Variants in MAPRE1 observed in about 807,000 individuals in gnomAD.
MAPRE1 encodes the protein microtubule-associated protein RP/EB family member 1.
MAPRE1 carries 5 observed loss-of-function variants against 32.1 expected under a neutral mutation model. That is an observed-to-expected ratio of 0.16 (90% CI 0.08 to 0.33). MAPRE1 has a LOEUF of 0.33. Ranked by LOEUF, MAPRE1 falls within the 10% of genes least tolerant of loss-of-function variation. MAPRE1 has a pLI of 1.00. For missense variants in MAPRE1, 209 were observed against 327.2 expected (o/e 0.64, Z 2.79); for synonymous variants, 122 against 118.9 (o/e 1.03, Z -0.17).
rs577683188 is a variant in MAPRE1 at position 32,825,170 on chromosome 20, G to C, written c.-3-755G>C. On this transcript the variant is annotated intron_variant, in intron 1 of 6. Transcript: ENST00000375571. ...GTCTCAAAAAAAAAAAAAAAAGAAA[G>C]AAACAAACAAACAAAAAACCATTAT... Among the ~76,000 whole-genome samples, 873 of 146,682 alleles carry C rather than the reference G, an allele frequency of 6.0e-3. 12 individuals are homozygous for C. The highest frequency in any genetic ancestry group is 0.02 in the African/African-American group (786 of 39,676).
Position 32,835,364 on chromosome 20 carries a change from G to GTTTTTTTTTTTTTTTTTTTT in MAPRE1, c.268-1254_268-1253insTTTTTTTTTTTTTTTTTTTT, listed in dbSNP as rs71190879. Among the ~76,000 whole-genome samples, 12 of 106,622 alleles carry GTTTTTTTTTTTTTTTTTTTT rather than the reference G, an allele frequency of 1.1e-4. 1 individual carries two copies. Among genetic ancestry groups the GTTTTTTTTTTTTTTTTTTTT allele is most frequent in the African/African-American group, 4.2e-4 (9 of 21,430 alleles). The allele number at this position is 106,622 out of a possible 152,430, so 69.9% of individuals were successfully genotyped here. ...TTTTTGTGTGTGTGTTTTTATTGGTGTTTTTTTTTTTTTTTTGAGATGAGG... is the reference window on the plus strand; with the variant it reads ...TTTTTGTGTGTGTGTTTTTATTGGTGTTTTTTTTTTTTTTTTTTTTTTTTTTTTTTTTTTTTGAGATGAGG... On this transcript the variant is annotated intron_variant, in intron 3 of 6. Coordinates refer to ENST00000375571, the MANE Select transcript of MAPRE1 (RefSeq NM_012325.3).
intron 1 of MAPRE1, among the ~76,000 whole-genome samples, chr20:32,821,795 TGGG>T (rs1196478158): frequency 6.6e-6 from 1 of 152,122 alleles, no homozygotes; most frequent in African/African-American, 2.4e-5. Flanking sequence ...TGTATAGGTT[TGGG>T]ATCTTGCTAG....
chr20:32,841,683 G>T (rs402951), intron 5 of MAPRE1, among the ~76,000 whole-genome samples: 42,563 of 141,600 alleles, frequency 0.3, 6,480 homozygotes, highest in East Asian at 0.57. Flanking sequence ...GTTCTCATCC[G>T]CTCAGCTCTT....
At chr20:32,846,456 T>C (rs1983508248) in intron 5 of MAPRE1, among the ~76,000 whole-genome samples, 162 bp from the exon 6 acceptor site, 1 of 152,228 alleles carries the variant, frequency 6.6e-6, no homozygotes, top group South Asian at 2.1e-4. Flanking sequence ...CAAATCCATG[T>C]TGTTTATCTG....
At chr20:32,825,166 G>T (rs1017872508) in intron 1 of MAPRE1, among the ~76,000 whole-genome samples, 1 of 140,900 alleles carries the variant, frequency 7.1e-6, no homozygotes, top group South Asian at 2.2e-4. Context: ...AAAAAAAAAA[G>T]AAAGAAACAA....
chr20:32,834,542 G>GA (rs1983131395), intron 3 of MAPRE1, among the ~76,000 whole-genome samples: 1 of 151,904 alleles, frequency 6.6e-6, no homozygotes, highest in Non-Finnish European at 1.5e-5. Context: ...TTTTTGGGGG[G>GA]ATAACTTTTT....
intron 4 of MAPRE1, among the ~76,000 whole-genome samples, chr20:32,837,143 A>G (rs183592516): frequency 1.3e-5 from 2 of 152,356 alleles, no homozygotes; most frequent in East Asian, 3.9e-4. Context: ...CAGTTTTGCC[A>G]AAGCTCTAGA....
chr20:32,841,991 C>G (rs529317411), intron 5 of MAPRE1, among the ~76,000 whole-genome samples: 1 of 151,338 alleles, frequency 6.6e-6, no homozygotes, highest in African/African-American at 2.4e-5. Context: ...TTTAAAAGTT[C>G]ACAGGAACCA....
rs1225081464 is a variant in MAPRE1, at chr20:32,819,970, G to C, written c.-62G>C. 3 of 152,174 alleles carry C rather than the reference G, an allele frequency of 2.0e-5. No homozygotes were observed. Among genetic ancestry groups the C allele is most frequent in the South Asian group, 4.1e-4 (2 of 4,830 alleles). The allele number at this position is 152,174 out of a possible 1,614,324, so 9.4% of individuals were successfully genotyped here. On this transcript the variant is annotated 5_prime_UTR_variant, in exon 1 of 7. Coordinates refer to ENST00000375571, the MANE Select transcript of MAPRE1 (RefSeq NM_012325.3). Reference sequence around the variant, plus strand: ...GCGGGCGGGGTCTGGCGGTTTGAACGAGACGAAGACGGAACCGGAGCCGGT... The same window carrying C: ...GCGGGCGGGGTCTGGCGGTTTGAACCAGACGAAGACGGAACCGGAGCCGGT...
At chr20:32,819,789 G>T (rs1344862583), upstream of MAPRE1, 1 of 152,230 alleles carries the variant, frequency 6.6e-6, no homozygotes, top group Admixed American at 6.5e-5. Flanking sequence ...CGGCGGTCGG[G>T]GCCCCGCCCC....
intron 3 of MAPRE1, among the ~76,000 whole-genome samples, chr20:32,834,576 A>G (rs912294284): frequency 7.9e-5 from 12 of 151,172 alleles, no homozygotes; most frequent in Admixed American, 3.3e-4. Context: ...AGGTAGTAAC[A>G]CCCCCAATTA....
At chr20:32,832,592 T>G (rs1361681317) in intron 2 of MAPRE1, among the ~76,000 whole-genome samples, 1 of 151,396 alleles carries the variant, frequency 6.6e-6, no homozygotes, top group Non-Finnish European at 1.5e-5. Context: ...TTCAGCCTCC[T>G]GAGTAACTGG....
At chr20:32,829,241 C>T (rs1015519579) in intron 2 of MAPRE1, among the ~76,000 whole-genome samples, 1 of 152,118 alleles carries the variant, frequency 6.6e-6, no homozygotes, top group Non-Finnish European at 1.5e-5. Context: ...ATGTCTGCTA[C>T]TTTTCCCAAA....
Position 32,842,919 on chromosome 20 carries a change from C to T in MAPRE1, c.597+3063C>T, listed in dbSNP as rs546651155. Among the ~76,000 whole-genome samples, 4 of 152,292 alleles carry T rather than the reference C, an allele frequency of 2.6e-5. No individual in the cohort carries two copies. The East Asian group carries it at 5.8e-4, about 22-fold the overall frequency. On this transcript the variant is annotated intron_variant, in intron 5 of 6. Coordinates refer to ENST00000375571, the MANE Select transcript of MAPRE1 (RefSeq NM_012325.3). ...GCTTTGGATGGTCGGTGTTGTAGAACTTCAACAGTCGAGGTTGGGAGGGAT... is the reference window on the plus strand; with the variant it reads ...GCTTTGGATGGTCGGTGTTGTAGAATTTCAACAGTCGAGGTTGGGAGGGAT...
At chr20:32,844,439 C>CTTT (rs71190880) in intron 5 of MAPRE1, among the ~76,000 whole-genome samples, 2,239 of 52,094 alleles carry the variant, frequency 0.043, 589 homozygotes, top group Middle Eastern at 0.095. Flanking sequence ...GCTAGCATTC[C>CTTT]TTTTTTTTTT....
chr20:32,833,062 C>T (rs959138368), intron 2 of MAPRE1, among the ~76,000 whole-genome samples: 12 of 151,850 alleles, frequency 7.9e-5, no homozygotes, highest in African/African-American at 2.4e-4. Flanking sequence ...ACTAGTTGGG[C>T]GTTGGTGGCA....
At chr20:32,845,014 T>TGTAC (rs1983467674) in intron 5 of MAPRE1, among the ~76,000 whole-genome samples, 1 of 134,990 alleles carries the variant, frequency 7.4e-6, no homozygotes, top group Non-Finnish European at 1.5e-5. Context: ...TATGTATGTA[T>TGTAC]GTATGTATGT....
At position 32,839,769 on chromosome 20, in the gene MAPRE1, T is replaced by C. The variant is rs370249780; in HGVS notation, c.510T>C (p.Ala170=). The part of the protein sequence containing the change: ...PQRPISTQRT[A]AAPKAGPGVV... ...GGCCCATCTCAACACAGAGAACCGC[T>C]GCGGCTCCTAAGGCTGGCCCTGGTG... The change falls in exon 5 of 7, where the codon GCT becomes GCC. Residue 170 remains alanine (A), a synonymous_variant. Transcript: ENST00000375571. 37 of 1,614,050 alleles carry C rather than the reference T, an allele frequency of 2.3e-5. No homozygotes were observed. In the African/African-American group the frequency reaches 4.1e-4, roughly 18 times the overall value.
At chr20:32,826,548 ATGGG>A (rs1461124037) in intron 2 of MAPRE1, among the ~76,000 whole-genome samples, 16 of 55,652 alleles carry the variant, frequency 2.9e-4, no homozygotes, top group Middle Eastern at 0.019. Flanking sequence ...TTTTTTTGAG[ATGGG>A]GTCTGGCGCT....
Sources: allele counts gnomAD v4.1 joint callset (sites outside exome capture counted in the v4.1 genomes callset), GRCh38; gene constraint gnomAD v4.1.1; transcripts MANE v1.5; gene names NCBI Gene and HGNC (gene_info 2026-07-23, HGNC 2026-07-21).